TCF12: variants seen among roughly 807,000 people sequenced by gnomAD.
TCF12 encodes DNA-binding protein HTF4.
TCF12 carries 45 observed loss-of-function variants against 86.0 expected under a neutral mutation model. The observed-to-expected ratio is 0.52, with a 90% CI of 0.41 to 0.67. The LOEUF (loss-of-function observed/expected upper bound fraction) is 0.67, where lower values mean the gene tolerates loss of function less well. Among genes scored for constraint, TCF12 ranks in the 30% least tolerant of loss-of-function variants. TCF12 has a pLI of 0.00. For synonymous variants in TCF12, 330 were observed against 299.6 expected, an observed-to-expected ratio of 1.10 and a Z score of -1.05; for missense variants, 881 against 859.9, an observed-to-expected ratio of 1.02 and a Z score of -0.31.
chr15:57,066,310 A>T (rs12898844), intron 4 of TCF12, among the ~76,000 whole-genome samples: 59,201 of 151,990 alleles, frequency 0.39, 14,358 homozygotes, highest in Non-Finnish European at 0.53. Flanking sequence ...CTATTTTAGT[A>T]TATTGAATTT....
chr15:57,264,242 C>A (rs2060738721), intron 18 of TCF12, among the ~76,000 whole-genome samples: 1 of 83,038 alleles, frequency 1.2e-5, no homozygotes, highest in South Asian at 4.3e-4. Flanking sequence ...ACTCTCTCGC[C>A]CAGGCTGGAA....
chr15:57,101,576 C>T (rs540570454), intron 5 of TCF12, among the ~76,000 whole-genome samples: 4 of 152,214 alleles, frequency 2.6e-5, no homozygotes, highest in Non-Finnish European at 4.4e-5. Context: ...CTTTCTGATA[C>T]GTACGCATGT....
intron 3 of TCF12, among the ~76,000 whole-genome samples, chr15:57,032,114 G>C (rs1047261069): frequency 2.6e-5 from 4 of 152,162 alleles, no homozygotes; most frequent in Admixed American, 2.0e-4. Flanking sequence ...GAAAGAGCTT[G>C]GGAAAGAGAC....
chr15:56,919,450 T>C (rs1567101252), intron 1 of TCF12: 1 of 153,464 alleles, frequency 6.5e-6, no homozygotes, highest in Non-Finnish European at 1.4e-5. Flanking sequence ...TTGTCAGTTC[T>C]ATTGTTGCCG....
Position 57,176,301 on chromosome 15 carries a change from TG to T in TCF12, c.390+9837del, listed in dbSNP as rs199997188. Among the ~76,000 whole-genome samples the T allele has an allele frequency of 2.0e-4, 30 of 152,324 alleles. No individual in the cohort carries two copies. In the East Asian group the frequency reaches 4.8e-3, roughly 25 times the overall value. Reference sequence around the variant, plus strand: ...ATGGTGTTGATGATCCATCTGAGGTTGGTGACCAGAAATTACTGTTGACACT... The same window carrying T: ...ATGGTGTTGATGATCCATCTGAGGTTGTGACCAGAAATTACTGTTGACACT... On this transcript the variant is annotated intron_variant, in intron 6 of 20. Coordinates refer to ENST00000333725, the MANE Select transcript of TCF12 (RefSeq NM_207037.2).
intron 5 of TCF12, among the ~76,000 whole-genome samples, chr15:57,094,016 A>G (rs1567409144): frequency 6.6e-6 from 1 of 152,118 alleles, no homozygotes; most frequent in African/African-American, 2.4e-5. Context: ...CCTGAGCTCA[A>G]GCTGTCCTCC....
intron 5 of TCF12, among the ~76,000 whole-genome samples, chr15:57,123,028 A>G (rs2051349790): frequency 6.6e-6 from 1 of 152,224 alleles, no homozygotes; most frequent in South Asian, 2.1e-4. Flanking sequence ...ATTTAAACTA[A>G]ATGCAAAATA....
chr15:57,185,418 T>G (rs533663958), intron 6 of TCF12, among the ~76,000 whole-genome samples: 54 of 152,222 alleles, frequency 3.5e-4, no homozygotes, highest in African/African-American at 1.3e-3. Flanking sequence ...ATACCTACAT[T>G]TAAGAAGAAG....
chr15:57,076,702 G>T (rs370845357), intron 4 of TCF12, among the ~76,000 whole-genome samples: 1 of 151,220 alleles, frequency 6.6e-6, no homozygotes, highest in East Asian at 1.9e-4. Flanking sequence ...TTCCATCATA[G>T]AATTCCCTCG....
intron 3 of TCF12, among the ~76,000 whole-genome samples, chr15:56,975,013 A>G (rs1252080089): frequency 6.6e-6 from 1 of 152,162 alleles, no homozygotes; most frequent in Non-Finnish European, 1.5e-5. Context: ...GACCTCCTTA[A>G]AATATATTTG....
chr15:57,014,891 T>C (rs537678153), intron 3 of TCF12, among the ~76,000 whole-genome samples: 124 of 148,152 alleles, frequency 8.4e-4, no homozygotes, highest in East Asian at 2.5e-3. Context: ...TTATTATTAT[T>C]ATTGTTATTA....
chr15:57,024,998 A>G (rs1297474737), intron 3 of TCF12, among the ~76,000 whole-genome samples: 1 of 152,192 alleles, frequency 6.6e-6, no homozygotes, highest in Non-Finnish European at 1.5e-5. Context: ...TGAAATTATG[A>G]AAATGTGTTG....
At chr15:56,945,230 G>A (rs1288936050) in intron 3 of TCF12, among the ~76,000 whole-genome samples, 1 of 152,094 alleles carries the variant, frequency 6.6e-6, no homozygotes, top group African/African-American at 2.4e-5. Flanking sequence ...TTTAAGATAT[G>A]TAGTCATGTT....
rs530379770 is a variant in TCF12, at chr15:57,247,223, C to G, written c.1114+3673C>G. ...TCTACTACTGTAACCAGGACTACCA[C>G]CATAGTTGCCACCATCACCTCCAAA... is the stretch of plus-strand genomic sequence containing the variant. On this transcript the variant is annotated intron_variant, in intron 13 of 20. Transcript: ENST00000333725. 1.8e-5 allele frequency: 11 copies of G among 625,750 alleles called. No individual in the cohort carries two copies. The South Asian group carries it at 1.8e-4, about 10-fold the overall frequency. 38.8% of individuals were successfully genotyped at this position (625,750 alleles called of 1,614,324 possible).
chr15:57,273,297 G>T (rs1231072367), intron 19 of TCF12, 35 bp downstream of exon 19: 1 of 1,593,418 alleles, frequency 6.3e-7, no homozygotes, highest in African/African-American at 1.3e-5. Flanking sequence ...TAACTGTTCT[G>T]CTTCAGATGG....
intron 5 of TCF12, among the ~76,000 whole-genome samples, chr15:57,111,148 G>A (rs1211324195): frequency 6.6e-6 from 1 of 151,904 alleles, no homozygotes; most frequent in African/African-American, 2.4e-5. Context: ...TAAAAATGGA[G>A]TTTGTGACAA....
At chr15:57,135,313 AG>A (rs1391094182) in intron 5 of TCF12, among the ~76,000 whole-genome samples, 3 of 152,364 alleles carry the variant, frequency 2.0e-5, no homozygotes, top group Non-Finnish European at 4.4e-5. Flanking sequence ...AATATTAAAA[AG>A]TAAACGAAGG....
chr15:57,040,292 A>G (rs1380975564), intron 3 of TCF12, among the ~76,000 whole-genome samples: 1 of 152,170 alleles, frequency 6.6e-6, no homozygotes, highest in Non-Finnish European at 1.5e-5. Flanking sequence ...TGGGCTGTAT[A>G]TTTGTGGAGC....
At chr15:57,150,062 G>T (rs2053632816) in intron 5 of TCF12, among the ~76,000 whole-genome samples, 1 of 152,136 alleles carries the variant, frequency 6.6e-6, no homozygotes, top group African/African-American at 2.4e-5. Context: ...CTCACTGCCT[G>T]TAGGAAGATT....
Sources: allele counts gnomAD v4.1 joint callset (sites outside exome capture counted in the v4.1 genomes callset), GRCh38; gene constraint gnomAD v4.1.1; transcripts MANE v1.5; gene names NCBI Gene and HGNC (gene_info 2026-07-23, HGNC 2026-07-21).